Variants in PRRC2A observed in about 807,000 individuals in gnomAD.
PRRC2A encodes proline rich coiled-coil 2A.
In PRRC2A, 59 loss-of-function variants were observed where a neutral mutation model predicts 224.6. That is an observed-to-expected ratio of 0.26 (90% CI 0.21 to 0.33). PRRC2A has a LOEUF of 0.33. PRRC2A is among the 10% of genes least tolerant of loss of function. PRRC2A has a pLI of 1.00. For missense variants in PRRC2A, 3,095 were observed against 2,880.7 expected (o/e 1.07, Z -1.70); for synonymous variants, 1,194 against 1,109.5 (o/e 1.08, Z -1.51).
At position 31,636,878 on chromosome 6, in the gene PRRC2A, C is replaced by G; in HGVS notation, c.6080C>G (p.Pro2027Arg). The change falls in exon 28 of 31, where the codon CCT becomes CGT. Residue 2027 changes from proline (P) to arginine (R), a missense_variant. Pro to Arg is a moderately radical substitution (Grantham distance 103). Coordinates refer to ENST00000376033, the MANE Select transcript of PRRC2A (RefSeq NM_004638.4). The surrounding 1 kb of genome is among the most constrained non-coding windows in gnomAD (Gnocchi z 4.3). ...CCCAGCCTGGCTGTGCGGCCCCCAC[C>G]TGCTCCTGCTACTCGGGTGCTGCCT... is the stretch of plus-strand genomic sequence containing the variant. ...QPPSLAVRPP[P>R]APATRVLPSP... 1 of 1,613,046 alleles carries G rather than the reference C, an allele frequency of 6.2e-7. No individual in the cohort carries two copies. Among genetic ancestry groups the G allele is most frequent in the Non-Finnish European group, 8.5e-7 (1 of 1,180,038 alleles).
Position 31,627,032 on chromosome 6 carries a change from G to T in PRRC2A, c.1124G>T (p.Gly375Val). The change falls in exon 11 of 31, where the codon GGC becomes GTC. Residue 375 changes from glycine to valine, a missense_variant. Gly to Val is a moderately radical substitution (Grantham distance 109). Transcript: ENST00000376033. The surrounding 1 kb of genome is among the most constrained non-coding windows in gnomAD (Gnocchi z 5.6). ...SGEERPPEAD[G>V]KKGNSPNSEP... ...GAGGAACGGCCCCCTGAAGCAGATG[G>T]CAAAAAGGGCAACTCCCCCAACAGC... is the stretch of plus-strand genomic sequence containing the variant. The T allele has an allele frequency of 6.2e-7, 1 of 1,614,180 alleles. No homozygotes were observed. Among genetic ancestry groups the T allele is most frequent in the East Asian group, 2.2e-5 (1 of 44,876 alleles).
chr6:31,633,512 AGCC>A lies in PRRC2A; in HGVS notation c.4455_4457del (p.Arg1486del). 1 of 1,613,078 alleles carries A rather than the reference AGCC, an allele frequency of 6.2e-7. No individual in the cohort carries two copies. Among genetic ancestry groups the A allele is most frequent in the Non-Finnish European group, 8.5e-7 (1 of 1,180,026 alleles). ...CCAACAGGCTCTGGCCCAGCTTAGT[AGCC>A]GTCAAGGGAGTGTAACTGCACCAGG... On this transcript the variant is annotated inframe_deletion, in exon 17 of 31. Transcript: ENST00000376033.
intron 10 of PRRC2A, 40 bp downstream of exon 10, chr6:31,626,902 G>A (rs759386452): frequency 1.2e-6 from 2 of 1,612,670 alleles, no homozygotes; most frequent in Non-Finnish European, 1.7e-6. Context: ...AGGGGGTCTT[G>A]GTTTGTATTT....
Position 31,636,073 on chromosome 6 carries a change from A to G in PRRC2A, c.5624+24A>G. On this transcript the variant is annotated intron_variant, in intron 25 of 30. Coordinates refer to ENST00000376033, the MANE Select transcript of PRRC2A (RefSeq NM_004638.4). The surrounding 1 kb of genome is among the most constrained non-coding windows in gnomAD (Gnocchi z 4.3). The stretch of plus-strand genomic sequence containing the variant: ...AGGTAAGACTCGATGCCTGTGGATC[A>G]CAGAAGTACTTGGAGATGTGTTTCG... 1 of 1,594,000 alleles carries G rather than the reference A, an allele frequency of 6.3e-7. No homozygotes were observed. The highest frequency in any genetic ancestry group is 8.6e-7 in the Non-Finnish European group (1 of 1,161,958).
chr6:31,626,218 G>GAA, intron 9 of PRRC2A, 56 bp downstream of exon 9: 1 of 1,528,260 alleles, frequency 6.5e-7, no homozygotes, highest in Non-Finnish European at 8.9e-7. Flanking sequence ...ACCTAATGAG[G>GAA]AAAAAAAAAT....
At chr6:31,622,938 G>C (rs138833239) in intron 2 of PRRC2A, 37 bp downstream of exon 2, 2 of 1,530,390 alleles carry the variant, frequency 1.3e-6, no homozygotes, top group Non-Finnish European at 1.8e-6. Context: ...ATGGTTGAAA[G>C]CTAGGCATGC....
rs1458804062 is a variant in PRRC2A, at chr6:31,636,357, C to T, written c.5773C>T (p.Pro1925Ser). Residue 1925 changes from proline (P) to serine (S), a missense_variant, in exon 26 of 31, where the codon CCT (proline) becomes TCT (serine). Physicochemically the swap from Pro to Ser is moderately conservative, Grantham distance 74. This residue lies in a region of PRRC2A where 662 missense variants were observed against 609.5 expected (regional missense o/e 1.09). Transcript: ENST00000376033. This position sits in a 1 kb window ranked among gnomAD's most constrained non-coding sequence, Gnocchi z 4.3. ...LPAGGVLYPP[P>S]SFLYSPAFCP... The stretch of plus-strand genomic sequence containing the variant: ...GGCTGGAGGAGTTCTCTACCCTCCA[C>T]CTTCCTTCCTCTACTCTCCGGCTTT... The T allele has an allele frequency of 6.2e-7, 1 of 1,612,986 alleles. No homozygotes were observed. Among genetic ancestry groups the T allele is most frequent in the Non-Finnish European group, 8.5e-7 (1 of 1,180,010 alleles).
chr6:31,621,261 T>A (rs1276342783), intron 1 of PRRC2A, among the ~76,000 whole-genome samples: 1 of 151,864 alleles, frequency 6.6e-6, no homozygotes, highest in Non-Finnish European at 1.5e-5. Flanking sequence ...TTCCTCCATA[T>A]TGGACCCCCT....
intron 12 of PRRC2A, 29 bp from the exon 13 acceptor site, chr6:31,629,115 A>T: frequency 1.2e-6 from 2 of 1,611,032 alleles, no homozygotes; most frequent in South Asian, 1.1e-5. Flanking sequence ...GTTGGACTAG[A>T]TCACTCTGTT....
In PRRC2A at chr6:31,631,925, C is replaced by A; in HGVS notation, c.3252C>A (p.Ala1084=). ...NHPPAPRGRT[A]SETRSEGSEY... is the part of the protein sequence containing the mutation. ...CTCCTGCTCCCCGAGGCCGCACTGC[C>A]AGCGAGACACGGAGCGAGGGTTCAG... The change falls in exon 16 of 31, where the codon GCC becomes GCA. Residue 1084 remains alanine, a synonymous_variant. Transcript: ENST00000376033. The surrounding 1 kb of genome is among the most constrained non-coding windows in gnomAD (Gnocchi z 4.5). 1 of 1,612,926 alleles carries A rather than the reference C, an allele frequency of 6.2e-7. No homozygotes were observed. The highest frequency in any genetic ancestry group is 2.2e-5 in the East Asian group (1 of 44,862).
rs774652334 is a variant in PRRC2A, at chr6:31,634,936, C to T, written c.5119C>T (p.Pro1707Ser). ...PCEGPPGSEP[P>S]RRPPPAPHDG... ...TGAGGGTCCACCTGGCTCTGAACCT[C>T]CTAGGAGACCACCACCTGCCCCCCA... is the stretch of plus-strand genomic sequence containing the variant. Residue 1707 changes from proline to serine, a missense_variant, in exon 21 of 31, where the codon CCT becomes TCT. Transcript: ENST00000376033. 11 of 1,612,638 alleles carry T rather than the reference C, an allele frequency of 6.8e-6. No individual in the cohort carries two copies. The African/African-American group carries it at 1.2e-4, about 18-fold the overall frequency.
In PRRC2A at chr6:31,632,267, C is replaced by T; in HGVS notation, c.3594C>T (p.Pro1198=). The T allele has an allele frequency of 6.2e-7, 1 of 1,613,066 alleles. No individual in the cohort carries two copies. Among genetic ancestry groups the T allele is most frequent in the South Asian group, 1.1e-5 (1 of 91,084 alleles). Residue 1198 remains proline (P), a synonymous_variant, in exon 16 of 31, where the codon CCC becomes CCT. Transcript: ENST00000376033. ...PAKSLAPKKP[P]TGPLPPSKEP... is the part of the protein sequence containing the mutation. ...AGTCTCTGGCTCCCAAGAAACCTCC[C>T]ACAGGCCCTTTGCCACCAAGTAAGG...
chr6:31,637,410 CTG>C (rs1333766891), intron 30 of PRRC2A, 34 bp from the exon 31 acceptor site: 4 of 1,602,424 alleles, frequency 2.5e-6, no homozygotes, highest in Non-Finnish European at 3.4e-6. Context: ...TGACCTCTCA[CTG>C]TGACTCACTG....
At chr6:31,634,074 T>C in intron 18 of PRRC2A, 85 bp downstream of exon 18, 2 of 1,578,602 alleles carry the variant, frequency 1.3e-6, no homozygotes, top group Non-Finnish European at 1.7e-6. Flanking sequence ...TTTTCTTTCC[T>C]GTTTCTTTCA....
In PRRC2A at chr6:31,634,572, G is replaced by C. The variant is rs748083779; in HGVS notation, c.4935+15G>C. The stretch of plus-strand genomic sequence containing the variant: ...CTGGCACAGAAGTGAGTGAGGGTGG[G>C]AGGGTGTGTCTGAGCTGGGACTTTT... On this transcript the variant is annotated intron_variant, in intron 20 of 30. Transcript: ENST00000376033. 7 of 1,608,718 alleles carry C rather than the reference G, an allele frequency of 4.4e-6. No individual in the cohort carries two copies. In the Admixed American group the frequency reaches 1.2e-4, roughly 27 times the overall value.
At chr6:31,624,135 A>G (rs1424038395) in intron 3 of PRRC2A, 126 bp from the exon 4 acceptor site, 3 of 1,167,866 alleles carry the variant, frequency 2.6e-6, no homozygotes, top group Admixed American at 2.2e-5. Context: ...AAGGATGACA[A>G]AATTAATTTG....
chr6:31,635,321 A>G, intron 22 of PRRC2A, 49 bp downstream of exon 22: 2 of 1,613,650 alleles, frequency 1.2e-6, no homozygotes, highest in Non-Finnish European at 1.7e-6. Flanking sequence ...GAGAGAAGGG[A>G]AGGACTAAAG....
Position 31,637,526 on chromosome 6 carries a change from A to G in PRRC2A, c.6414A>G (p.Arg2138=). 1 of 1,587,618 alleles carries G rather than the reference A, an allele frequency of 6.3e-7. No homozygotes were observed. Among genetic ancestry groups the G allele is most frequent in the Admixed American group, 1.8e-5 (1 of 55,438 alleles). The part of the protein sequence containing the change: ...TGPPPREGPS[R]RAEEPGSRGD... ...CGCCACCTCGAGAAGGGCCCTCCCGACGGGCAGAGGAGCCTGGGTCCCGAG... is the reference window on the plus strand; with the variant it reads ...CGCCACCTCGAGAAGGGCCCTCCCGGCGGGCAGAGGAGCCTGGGTCCCGAG... Residue 2138 remains arginine (R), a synonymous_variant, in exon 31 of 31, where the codon CGA becomes CGG. Transcript: ENST00000376033.
intron 18 of PRRC2A, 70 bp from the exon 19 acceptor site, chr6:31,634,166 T>C: frequency 6.4e-7 from 1 of 1,568,366 alleles, no homozygotes; most frequent in Non-Finnish European, 8.6e-7. Context: ...CACCCCACTC[T>C]GTCCTGGCTT....
Sources: allele counts gnomAD v4.1 joint callset (sites outside exome capture counted in the v4.1 genomes callset), GRCh38; gene constraint gnomAD v4.1.1; regional missense constraint gnomAD v4.1.1; non-coding constraint Gnocchi (gnomAD v3.1); transcripts MANE v1.5; gene names NCBI Gene and HGNC (gene_info 2026-07-23, HGNC 2026-07-21).